The following CNIH3 variants were observed in gnomAD, a reference collection of about 807,000 sequenced individuals.
CNIH3 encodes the protein cornichon family AMPA receptor auxiliary protein 3, also known as protein cornichon homolog 3.
Under a neutral mutation model 24.1 loss-of-function variants are expected in CNIH3, and 14 were observed. That is an observed-to-expected ratio of 0.58 (90% CI 0.38 to 0.91). The LOEUF is 0.91. Among genes scored for constraint, CNIH3 ranks in the 40% least tolerant of loss-of-function variants. CNIH3 has a pLI of 0.00. For missense variants in CNIH3, 178 were observed against 196.8 expected (o/e 0.90, Z 0.57); for synonymous variants, 68 against 73.8 (o/e 0.92, Z 0.40).
intron 2 of CNIH3, among the ~76,000 whole-genome samples, chr1:224,681,713 A>G (rs1198855506): frequency 2.0e-5 from 3 of 152,168 alleles, no homozygotes; most frequent in Admixed American, 6.5e-5. Flanking sequence ...GGGTGGGGAC[A>G]GGTGTTTTGG....
intron 3 of CNIH3, chr1:224,565,419 G>T (rs1214976579): frequency 6.6e-6 from 1 of 152,236 alleles, no homozygotes; most frequent in Non-Finnish European, 1.5e-5. Flanking sequence ...GCTGTTCATT[G>T]CCTGGGTTTG....
At chr1:224,560,622 A>G (rs1448794002) in intron 3 of CNIH3, among the ~76,000 whole-genome samples, 1 of 151,964 alleles carries the variant, frequency 6.6e-6, no homozygotes, top group Admixed American at 6.6e-5. Flanking sequence ...CAAGAGATCT[A>G]GGTTACATGC....
chr1:224,651,766 G>GT (rs1453528432), intron 1 of CNIH3, among the ~76,000 whole-genome samples: 3 of 152,064 alleles, frequency 2.0e-5, no homozygotes, highest in Admixed American at 1.3e-4. Flanking sequence ...TGTGTTTCTA[G>GT]TTTTTTGTGA....
rs569845214 is a variant in CNIH3, at chr1:224,718,517, T to C, written c.199-11945T>C. The stretch of plus-strand genomic sequence containing the variant: ...TCATTCTAGGAGGAGTGGGAAGACA[T>C]TGGAGGGTTAAGCCAAAAAGAGACA... On this transcript the variant is annotated intron_variant, in intron 3 of 5. Coordinates refer to ENST00000272133, the MANE Select transcript of CNIH3 (RefSeq NM_152495.2). Among the ~76,000 whole-genome samples the C allele has an allele frequency of 9.5e-4, 144 of 152,104 alleles. 3 individuals carry two copies. In the South Asian group the frequency reaches 0.03, roughly 31 times the overall value.
At chr1:224,578,707 A>G (rs897481887) in intron 4 of CNIH3, among the ~76,000 whole-genome samples, 16 of 152,314 alleles carry the variant, frequency 1.1e-4, no homozygotes, top group Admixed American at 5.2e-4. Flanking sequence ...AAAATTTTGG[A>G]TTAGAAAACA....
intron 1 of CNIH3, among the ~76,000 whole-genome samples, chr1:224,460,927 G>A (rs1404998603): frequency 6.6e-6 from 1 of 151,744 alleles, no homozygotes; most frequent in African/African-American, 2.4e-5. Context: ...TTATAGGCGA[G>A]AGCCACTGCA....
At chr1:224,724,780 A>G (rs114729686) in intron 3 of CNIH3, among the ~76,000 whole-genome samples, 108 of 152,280 alleles carry the variant, frequency 7.1e-4, no homozygotes, top group African/African-American at 2.6e-3. Flanking sequence ...AGCTTGGTTC[A>G]ATCAGAGGGA....
At chr1:224,447,539 A>C (rs1007875117) in intron 1 of CNIH3, among the ~76,000 whole-genome samples, 2 of 152,190 alleles carry the variant, frequency 1.3e-5, no homozygotes, top group African/African-American at 4.8e-5. Context: ...ACAGTGCTTC[A>C]CCAGTTCTCT....
intron 1 of CNIH3, among the ~76,000 whole-genome samples, chr1:224,662,459 T>C (rs560060946): frequency 2.6e-4 from 39 of 152,312 alleles, no homozygotes; most frequent in African/African-American, 9.1e-4. Flanking sequence ...CACACAAAGA[T>C]CATTTTGTTT....
intron 3 of CNIH3, among the ~76,000 whole-genome samples, chr1:224,708,193 T>A (rs1165482215): frequency 1.3e-5 from 2 of 151,952 alleles, no homozygotes; most frequent in African/African-American, 4.8e-5. Context: ...CCCCTCCACT[T>A]CCTGTCCTCA....
At chr1:224,454,225 A>T in intron 1 of CNIH3, 1 of 844,890 alleles carries the variant, frequency 1.2e-6, no homozygotes, top group Non-Finnish European at 1.4e-6. Flanking sequence ...TATTGTGAGT[A>T]GTATCATTTA....
At chr1:224,730,439 C>T (rs1689265159) in intron 3 of CNIH3, 23 bp from the exon 4 acceptor site, 3 of 1,466,124 alleles carry the variant, frequency 2.0e-6, no homozygotes, top group African/African-American at 2.8e-5. Context: ...TAACTCAGGG[C>T]CGTGTCTCTG....
chr1:224,495,229 C>T (rs548092034), intron 1 of CNIH3, among the ~76,000 whole-genome samples: 35 of 152,294 alleles, frequency 2.3e-4, no homozygotes, highest in African/African-American at 8.2e-4. Flanking sequence ...ACAATGAGCC[C>T]AGTCCTGATC....
intron 1 of CNIH3, chr1:224,454,257 G>GCT (rs1553254023): frequency 1.4e-6 from 1 of 720,242 alleles, no homozygotes; most frequent in Non-Finnish European, 1.7e-6. Context: ...CTACTAGTAA[G>GCT]TTTTTTTTTT....
intron 4 of CNIH3, chr1:224,575,335 T>C: frequency 3.9e-6 from 4 of 1,029,602 alleles, no homozygotes; most frequent in South Asian, 1.3e-5. Flanking sequence ...GGAGGGTCTG[T>C]GCCTTGGTGA....
intron 1 of CNIH3, among the ~76,000 whole-genome samples, chr1:224,667,034 A>G (rs1343001653): frequency 6.6e-6 from 1 of 152,166 alleles, no homozygotes; most frequent in African/African-American, 2.4e-5. Context: ...CACTTCTGTC[A>G]TCCTGTCCAG....
At chr1:224,663,381 A>G (rs938107500) in intron 1 of CNIH3, among the ~76,000 whole-genome samples, 6 of 152,178 alleles carry the variant, frequency 3.9e-5, no homozygotes, top group African/African-American at 1.2e-4. Flanking sequence ...ACAATCACCA[A>G]TACACAATCC....
At chr1:224,618,093 G>T (rs112685993) in intron 1 of CNIH3, among the ~76,000 whole-genome samples, 2 of 152,216 alleles carry the variant, frequency 1.3e-5, no homozygotes, top group African/African-American at 4.8e-5. Context: ...ATAGAGGAGC[G>T]CAAGCTTCTG....
intron 1 of CNIH3, among the ~76,000 whole-genome samples, chr1:224,675,501 C>G (rs936672932): frequency 1.3e-5 from 2 of 152,120 alleles, no homozygotes; most frequent in Non-Finnish European, 2.9e-5. Context: ...AATTTTTGCT[C>G]TGAGAAGCAT....
Sources: gnomAD v4.1 joint callset for allele counts (sites outside exome capture counted in the v4.1 genomes callset) on GRCh38, gnomAD v4.1.1 for gene constraint, MANE v1.5 for transcripts, NCBI Gene and HGNC (gene_info 2026-07-23, HGNC 2026-07-21) for gene names.